PDCD11: variants seen among roughly 807,000 people sequenced by gnomAD.
PDCD11 encodes programmed cell death 11, also known as protein RRP5 homolog.
PDCD11 carries 97 observed loss-of-function variants against 198.9 expected under a neutral mutation model. The observed-to-expected ratio is 0.49, with a 90% CI of 0.41 to 0.58. The LOEUF is 0.58. Among genes scored for constraint, PDCD11 ranks in the 20% least tolerant of loss-of-function variants. The pLI is 0.00. For missense variants in PDCD11, 2,102 were observed against 2,312.7 expected, an observed-to-expected ratio of 0.91 and a Z score of 1.87; for synonymous variants, 893 against 918.0, an observed-to-expected ratio of 0.97 and a Z score of 0.49.
At chr10:103,423,207 A>G in intron 18 of PDCD11, 70 bp downstream of exon 18, 1 of 1,425,586 alleles carries the variant, frequency 7.0e-7, no homozygotes, top group Non-Finnish European at 9.3e-7. Context: ...TCTCCTGGAT[A>G]TAGAATTTCT....
intron 35 of PDCD11, 108 bp from the exon 36 acceptor site, chr10:103,445,270 A>C: frequency 1.0e-6 from 1 of 958,944 alleles, no homozygotes; most frequent in Non-Finnish European, 1.6e-6. Context: ...GGAGTCCTGG[A>C]TGGGAGAGGG....
Position 103,400,429 on chromosome 10 carries a change from AAAG to A in PDCD11, c.137_139del (p.Lys46del), listed in dbSNP as rs757731645. ...CTGAAGAGGGATCCACCAAAAGAAA[AAAG>A]AGCCAGAAGGGGCCAGCAAAAACAA... On this transcript the variant is annotated inframe_deletion, in exon 3 of 36. Coordinates refer to ENST00000369797, the MANE Select transcript of PDCD11 (RefSeq NM_014976.2). 1 of 1,613,760 alleles carries A rather than the reference AAAG, an allele frequency of 6.2e-7. No individual in the cohort carries two copies. Among genetic ancestry groups the A allele is most frequent in the South Asian group, 1.1e-5 (1 of 91,000 alleles).
At chr10:103,429,655 C>T (rs2031844136) in intron 21 of PDCD11, among the ~76,000 whole-genome samples, 1 of 152,078 alleles carries the variant, frequency 6.6e-6, no homozygotes, top group African/African-American at 2.4e-5. Context: ...TACTATAACA[C>T]ATACATTTAC....
Position 103,414,985 on chromosome 10 carries a change from C to T in PDCD11, c.1372-20C>T, listed in dbSNP as rs753173034. On this transcript the variant is annotated intron_variant, in intron 11 of 35. Transcript: ENST00000369797. ...GGCCATTCTTGAGACATTGTGGCAG[C>T]TTATCTTTGGATTCTCTAGGGCACA... 6.2e-7 allele frequency: 1 copy of T among 1,613,076 alleles called. No homozygotes were observed. The highest frequency in any genetic ancestry group is 1.3e-5 in the African/African-American group (1 of 74,886).
In PDCD11 at chr10:103,443,357, ACT is replaced by A. The variant is rs767649138; in HGVS notation, c.5124+26_5124+27del. ...AGGTAGGAGGTTGGGCCACAGACGA[ACT>A]CCTGGGAGTTCCAGGGCCACAATCT... On this transcript the variant is annotated intron_variant, in intron 33 of 35. Coordinates refer to ENST00000369797, the MANE Select transcript of PDCD11 (RefSeq NM_014976.2). 5.1e-6 allele frequency: 8 copies of A among 1,578,780 alleles called. No individual in the cohort carries two copies. In the Middle Eastern group the frequency reaches 5.1e-4, roughly 100 times the overall value.
chr10:103,434,653 C>T lies in PDCD11; in HGVS notation c.3668-145C>T, dbSNP rs1257284698. On this transcript the variant is annotated intron_variant, in intron 24 of 35. Transcript: ENST00000369797. ...GTCCTTGGCTACATGGCAGGGTGAT[C>T]TCAGTCTAGATGGTTCTGGATCACT... The T allele has an allele frequency of 3.4e-5, 22 of 643,060 alleles. 1 individual carries two copies. In the East Asian group the frequency reaches 5.0e-4, roughly 15 times the overall value. The allele number at this position is 643,060 out of a possible 1,614,324, so 39.8% of individuals were successfully genotyped here. A position where few individuals can be genotyped will look rare whatever the true frequency, so the allele number is the denominator to read the frequency against.
At chr10:103,423,495 C>A in intron 18 of PDCD11, 48 bp from the exon 19 acceptor site, 1 of 1,392,974 alleles carries the variant, frequency 7.2e-7, no homozygotes, top group African/African-American at 1.4e-5. Flanking sequence ...GCTGCTCTCC[C>A]TTCACTCTGT....
At chr10:103,404,500 T>C (rs2030318506) in intron 4 of PDCD11, among the ~76,000 whole-genome samples, 2 of 152,206 alleles carry the variant, frequency 1.3e-5, no homozygotes, top group Admixed American at 1.3e-4. Context: ...GGTTTTACCA[T>C]GTTGGCCAGG....
chr10:103,434,950 G>A lies in PDCD11; in HGVS notation c.3820G>A (p.Asp1274Asn). Residue 1274 changes from aspartate to asparagine, a missense_variant, in exon 25 of 36, where the codon GAC becomes AAC. Transcript: ENST00000369797. ...SDSYSETPLE[D>N]FVPQKVVRCY... Reference sequence around the variant, plus strand: ...CTCCTACTCCGAGACGCCCCTGGAAGACTTCGTCCCCCAGAAGGTTGTCAG... The same window carrying A: ...CTCCTACTCCGAGACGCCCCTGGAAAACTTCGTCCCCCAGAAGGTTGTCAG... 6.3e-7 allele frequency: 1 copy of A among 1,581,272 alleles called. No homozygotes were observed. Among genetic ancestry groups the A allele is most frequent in the East Asian group, 2.4e-5 (1 of 42,092 alleles).
rs2032583844 is a variant in PDCD11 at position 103,445,777 on chromosome 10, G to T, written c.*228G>T. On this transcript the variant is annotated 3_prime_UTR_variant, in exon 36 of 36. Transcript: ENST00000369797. ...CTTGTTATCTTTTTCCTTATCTGAG[G>T]CTACCTGGGGATTGTGGGCAGCAGG... 4.2e-6 allele frequency: 2 copies of T among 480,176 alleles called. No homozygotes were observed. The highest frequency in any genetic ancestry group is 2.7e-5 in the South Asian group (1 of 37,406). 29.7% of individuals were successfully genotyped at this position (480,176 alleles called of 1,614,324 possible). A position where few individuals can be genotyped will look rare whatever the true frequency, so the allele number is the denominator to read the frequency against.
In PDCD11 at chr10:103,414,341, A is replaced by C; in HGVS notation, c.1371+11A>C. On this transcript the variant is annotated intron_variant, in intron 11 of 35. Coordinates refer to ENST00000369797, the MANE Select transcript of PDCD11 (RefSeq NM_014976.2). ...GGGGCAGTGGTAAAGGTAAGACCTC[A>C]AGCATATAATTAGGTACTGCCTCAC... The C allele has an allele frequency of 6.2e-7, 1 of 1,606,308 alleles. No homozygotes were observed. Among genetic ancestry groups the C allele is most frequent in the Non-Finnish European group, 8.5e-7 (1 of 1,172,930 alleles).
chr10:103,406,667 C>T lies in PDCD11; in HGVS notation c.747C>T (p.Asn249=), dbSNP rs139423894. The T allele has an allele frequency of 9.2e-4, 1,491 of 1,614,064 alleles. 13 individuals carry two copies. The Middle Eastern group carries it at 0.023, about 25-fold the overall frequency. Residue 249 remains asparagine, a synonymous_variant, in exon 7 of 36, where the codon AAC becomes AAT. Transcript: ENST00000369797. ...GCATTGTTGAAAAGGTGAAAGGCAA[C>T]GGAGGAGTTGTTAGTCTGTCTGTTG... is the stretch of plus-strand genomic sequence containing the variant. ...LNCIVEKVKG[N]GGVVSLSVGH...
rs1380085144 is a variant in PDCD11, at chr10:103,425,296, G to A, written c.3076G>A (p.Gly1026Arg). 3 of 1,614,136 alleles carry A rather than the reference G, an allele frequency of 1.9e-6. No homozygotes were observed. Among genetic ancestry groups the A allele is most frequent in the Admixed American group, 3.3e-5 (2 of 60,022 alleles). Residue 1026 changes from glycine (G) to arginine (R), a missense_variant, in exon 20 of 36, where the codon GGG becomes AGG. Transcript: ENST00000369797. ...AGAAGTGGATCCAGCTCTGACTGTA[G>A]GGACCATAAAGAAGCACACCCTCTC... Reference protein sequence around the residue: ...DEEVDPALTVGTIKKHTLSIG... With the variant: ...DEEVDPALTVRTIKKHTLSIG...
At chr10:103,409,874 T>C (rs747277676) in intron 8 of PDCD11, 68 bp downstream of exon 8, 19 of 1,145,088 alleles carry the variant, frequency 1.7e-5, no homozygotes, top group Admixed American at 5.1e-5. Context: ...GTATCACAGC[T>C]AGCTACAGGG....
At position 103,425,543 on chromosome 10, in the gene PDCD11, G is replaced by T. The variant is rs1477476613; in HGVS notation, c.3305+18G>T. On this transcript the variant is annotated intron_variant, in intron 20 of 35. Transcript: ENST00000369797. ...ACATTCAAGTATGGAGGCTCTGGGGGTGGGCTGGCTTCGAGGGAGATTGTT... is the reference window on the plus strand; with the variant it reads ...ACATTCAAGTATGGAGGCTCTGGGGTTGGGCTGGCTTCGAGGGAGATTGTT... The T allele has an allele frequency of 6.3e-7, 1 of 1,591,240 alleles. No homozygotes were observed. Among genetic ancestry groups the T allele is most frequent in the South Asian group, 1.1e-5 (1 of 89,310 alleles).
chr10:103,408,525 T>C (rs956771448), intron 7 of PDCD11, among the ~76,000 whole-genome samples: 4 of 152,006 alleles, frequency 2.6e-5, no homozygotes, highest in Admixed American at 2.0e-4. Context: ...TTTTAATTTT[T>C]AAAATTTTTA....
chr10:103,400,567 G>T (rs977716397), intron 3 of PDCD11, 39 bp downstream of exon 3: 4 of 1,586,446 alleles, frequency 2.5e-6, no homozygotes, highest in Non-Finnish European at 3.4e-6. Context: ...AATCGACCTT[G>T]GTTGCTTAAG....
chr10:103,418,868 AG>A (rs2031267086), intron 15 of PDCD11, among the ~76,000 whole-genome samples: 1 of 152,124 alleles, frequency 6.6e-6, no homozygotes. Flanking sequence ...GGACTCTCGG[AG>A]GCTGGAGAAG....
intron 3 of PDCD11, among the ~76,000 whole-genome samples, chr10:103,401,745 T>TC (rs2030080972): frequency 1.3e-5 from 2 of 152,224 alleles, no homozygotes; most frequent in Admixed American, 1.3e-4. Flanking sequence ...ACTAAAATTT[T>TC]TTTTTTTTTT....
Sources: gnomAD v4.1 joint callset for allele counts (sites outside exome capture counted in the v4.1 genomes callset) on GRCh38, gnomAD v4.1.1 for gene constraint, MANE v1.5 for transcripts, NCBI Gene and HGNC (gene_info 2026-07-23, HGNC 2026-07-21) for gene names.